DNAJC5: variants seen among roughly 807,000 people sequenced by gnomAD.
The protein encoded by DNAJC5 is DnaJ heat shock protein family (Hsp40) member C5.
In DNAJC5, 1 loss-of-function variant was observed where a neutral mutation model predicts 23.2. That is an observed-to-expected ratio of 0.04 (90% CI 0.02 to 0.20). DNAJC5 has a LOEUF of 0.20. DNAJC5 is among the 10% of genes least tolerant of loss of function. The pLI, the probability that DNAJC5 is intolerant of heterozygous loss-of-function variation, is 1.00. For missense variants in DNAJC5, 180 were observed against 267.0 expected (o/e 0.67, Z 2.27); for synonymous variants, 136 against 120.0 (o/e 1.13, Z -0.87).
Position 63,900,576 on chromosome 20 carries a change from C to CAAAAAAA in DNAJC5, c.-12+5270_-12+5276dup, listed in dbSNP as rs752326573. Among the ~76,000 whole-genome samples the CAAAAAAA allele has an allele frequency of 1.6e-3, 105 of 65,258 alleles. 1 individual carries two copies. The highest frequency in any genetic ancestry group is 4.8e-3 in the African/African-American group (74 of 15,394). 42.8% of individuals were successfully genotyped at this position (65,258 alleles called of 152,430 possible). A position where few individuals can be genotyped will look rare whatever the true frequency, so the allele number is the denominator to read the frequency against. On this transcript the variant is annotated intron_variant, in intron 1 of 4. Coordinates refer to ENST00000360864, the MANE Select transcript of DNAJC5 (RefSeq NM_025219.3). ...TGGGCGACAGAGCAAGACACTGTCT[C>CAAAAAAA]AAAAAAAAAAAAAAAAAAAAAAAGG...
At chr20:63,905,109 T>C (rs2053439070) in intron 1 of DNAJC5, among the ~76,000 whole-genome samples, 1 of 150,378 alleles carries the variant, frequency 6.6e-6, no homozygotes, top group Admixed American at 6.6e-5. Context: ...TGGCTTTTTT[T>C]TTTTTTTCCT....
intron 1 of DNAJC5, among the ~76,000 whole-genome samples, chr20:63,905,694 C>T (rs998069744): frequency 3.3e-5 from 5 of 151,652 alleles, no homozygotes; most frequent in East Asian, 3.9e-4. Flanking sequence ...CTCAGCCTCC[C>T]GAGTAGCTGG....
chr20:63,902,059 T>C (rs2053416410), intron 1 of DNAJC5, among the ~76,000 whole-genome samples: 1 of 152,146 alleles, frequency 6.6e-6, no homozygotes, highest in Non-Finnish European at 1.5e-5. Context: ...ATAATGCTTT[T>C]TTTTTTTGGG....
chr20:63,908,470 T>C (rs936164797), intron 1 of DNAJC5, among the ~76,000 whole-genome samples: 24 of 152,202 alleles, frequency 1.6e-4, no homozygotes, highest in African/African-American at 4.8e-4. Flanking sequence ...GTCAGTCCAC[T>C]GTACAGTGGG....
chr20:63,918,425 T>C lies in DNAJC5; in HGVS notation c.-11-9910T>C, dbSNP rs1414364387. ...ATTTTTAAGCTCAAAAAATTAAAAC[T>C]AATTAGCGTTTAGGGATAAACATGA... On this transcript the variant is annotated intron_variant, in intron 1 of 4. Transcript: ENST00000360864. Among the ~76,000 whole-genome samples, 3 of 152,106 alleles carry C rather than the reference T, an allele frequency of 2.0e-5. No individual in the cohort carries two copies. The East Asian group carries it at 5.8e-4, about 29-fold the overall frequency.
Position 63,929,184 on chromosome 20 carries a change from C to T in DNAJC5, c.108-128C>T. The T allele has an allele frequency of 9.1e-7, 1 of 1,101,148 alleles. No individual in the cohort carries two copies. The highest frequency in any genetic ancestry group is 1.6e-5 in the African/African-American group (1 of 64,130). The allele number at this position is 1,101,148 out of a possible 1,614,324, so 68.2% of individuals were successfully genotyped here. On this transcript the variant is annotated intron_variant, in intron 2 of 4. Transcript: ENST00000360864. The surrounding 1 kb of genome is among the most constrained non-coding windows in gnomAD (Gnocchi z 8.6). ...GCCCCTGCAGCCCTGGAGAGTCGGA[C>T]AGTGAGGTGGCCTGGGTGGACCTGC... is the stretch of plus-strand genomic sequence containing the variant.
rs1452980402 is a variant in DNAJC5 at position 63,901,217 on chromosome 20, G to A, written c.-12+5894G>A. On this transcript the variant is annotated intron_variant, in intron 1 of 4. Coordinates refer to ENST00000360864, the MANE Select transcript of DNAJC5 (RefSeq NM_025219.3). ...TGAACTCAAGTAATCAACCCACCTT[G>A]GCCTCCCAAGGTGCTGGGTTTACAG... Among the ~76,000 whole-genome samples, 5 of 152,166 alleles carry A rather than the reference G, an allele frequency of 3.3e-5. No homozygotes were observed. The South Asian group carries it at 1.0e-3, about 32-fold the overall frequency.
chr20:63,899,285 A>G (rs1384328389), intron 1 of DNAJC5, among the ~76,000 whole-genome samples: 1 of 152,184 alleles, frequency 6.6e-6, no homozygotes, highest in Non-Finnish European at 1.5e-5. Flanking sequence ...CCCTCAGATA[A>G]TGACATCCCT....
chr20:63,898,625 TGAGATCGA>T (rs2053389376), intron 1 of DNAJC5, among the ~76,000 whole-genome samples: 1 of 152,024 alleles, frequency 6.6e-6, no homozygotes, highest in Non-Finnish European at 1.5e-5. Flanking sequence ...GGGCAGATCT[TGAGATCGA>T]GAGATCGAGA....
chr20:63,916,154 G>A (rs1405519726), intron 1 of DNAJC5, among the ~76,000 whole-genome samples: 2 of 152,162 alleles, frequency 1.3e-5, no homozygotes, highest in African/African-American at 2.4e-5. Flanking sequence ...TGCCGTGTTG[G>A]TCAGGCTGGT....
intron 1 of DNAJC5, among the ~76,000 whole-genome samples, chr20:63,927,827 TGTTGA>T (rs1323560474): frequency 1.3e-5 from 2 of 152,264 alleles, no homozygotes; most frequent in African/African-American, 4.8e-5. Context: ...TTGTTTCCTG[TGTTGA>T]GTTACTTTTT....
At chr20:63,906,835 C>T (rs1012072840) in intron 1 of DNAJC5, among the ~76,000 whole-genome samples, 13 of 151,540 alleles carry the variant, frequency 8.6e-5, no homozygotes, top group African/African-American at 2.4e-4. Context: ...TGGGTGCCAT[C>T]GCTCGCACCT....
At chr20:63,905,116 T>C (rs539276026) in intron 1 of DNAJC5, among the ~76,000 whole-genome samples, 4 of 149,630 alleles carry the variant, frequency 2.7e-5, no homozygotes, top group South Asian at 4.2e-4. Context: ...TTTTTTTTTT[T>C]CCTGTCTTTT....
At chr20:63,913,730 A>T (rs2053497996) in intron 1 of DNAJC5, among the ~76,000 whole-genome samples, 1 of 151,872 alleles carries the variant, frequency 6.6e-6, no homozygotes, top group African/African-American at 2.4e-5. Flanking sequence ...GCGGGCACCT[A>T]CGACCACGCC....
In DNAJC5 at chr20:63,933,277, C is replaced by CA. The variant is rs2146312108; in HGVS notation, c.*1710dup. 6.6e-6 allele frequency: 1 copy of CA among 152,482 alleles called. No individual in the cohort carries two copies. Among genetic ancestry groups the CA allele is most frequent in the Admixed American group, 6.5e-5 (1 of 15,296 alleles). The allele number at this position is 152,482 out of a possible 1,614,324, so 9.4% of individuals were successfully genotyped here. The stretch of plus-strand genomic sequence containing the variant: ...CCGAGGCTGTGCAGAAGGGTAGGTT[C>CA]AGGTTGACCAGGAAGCTGCCAAAAG... On this transcript the variant is annotated 3_prime_UTR_variant, in exon 5 of 5. Coordinates refer to ENST00000360864, the MANE Select transcript of DNAJC5 (RefSeq NM_025219.3).
intron 1 of DNAJC5, among the ~76,000 whole-genome samples, chr20:63,921,104 C>T (rs938141469): frequency 6.6e-6 from 1 of 151,698 alleles, no homozygotes; most frequent in Admixed American, 6.6e-5. Flanking sequence ...GGATTACAGG[C>T]ATGTGCCATC....
intron 1 of DNAJC5, among the ~76,000 whole-genome samples, chr20:63,916,752 C>T (rs2053517750): frequency 6.6e-6 from 1 of 152,162 alleles, no homozygotes; most frequent in South Asian, 2.1e-4. Flanking sequence ...ACTCCCAGAG[C>T]AGCCTTCTGT....
At position 63,929,676 on chromosome 20, in the gene DNAJC5, G is replaced by A. The variant is rs560607645; in HGVS notation, c.321+151G>A. The stretch of plus-strand genomic sequence containing the variant: ...TGCGGGCACCCGAGTCTCTCCTGCC[G>A]TGCGGGCACCCGAGTCACTCCTGCC... On this transcript the variant is annotated intron_variant, in intron 3 of 4. Coordinates refer to ENST00000360864, the MANE Select transcript of DNAJC5 (RefSeq NM_025219.3). This position sits in a 1 kb window ranked among gnomAD's most constrained non-coding sequence, Gnocchi z 8.6. 1.5e-3 allele frequency: 1,204 copies of A among 805,900 alleles called. 44 individuals are homozygous for A. The South Asian group carries it at 0.016, about 10-fold the overall frequency. 49.9% of individuals were successfully genotyped at this position (805,900 alleles called of 1,614,324 possible).
At chr20:63,913,738 GCC>G (rs2053498125) in intron 1 of DNAJC5, among the ~76,000 whole-genome samples, 1 of 151,958 alleles carries the variant, frequency 6.6e-6, no homozygotes, top group Admixed American at 6.6e-5. Context: ...CTACGACCAC[GCC>G]CAGCTAATTT....
Sources: allele counts gnomAD v4.1 joint callset (sites outside exome capture counted in the v4.1 genomes callset), GRCh38; gene constraint gnomAD v4.1.1; non-coding constraint Gnocchi (gnomAD v3.1); transcripts MANE v1.5; gene names NCBI Gene and HGNC (gene_info 2026-07-23, HGNC 2026-07-21).